Variants in RAB3C observed in about 807,000 individuals in gnomAD.
RAB3C encodes the protein ras-related protein Rab-3C.
A neutral mutation model predicts 26.4 loss-of-function variants in RAB3C; 17 were observed. That is an observed-to-expected ratio of 0.64 (90% CI 0.44 to 0.97). The LOEUF is 0.97. Ranked by LOEUF, RAB3C falls within the 50% of genes least tolerant of loss-of-function variation. The pLI is 0.00. For synonymous variants in RAB3C, 91 were observed against 95.9 expected (o/e 0.95, Z 0.30); for missense variants, 242 against 281.9 (o/e 0.86, Z 1.01).
intron 2 of RAB3C, among the ~76,000 whole-genome samples, chr5:58,686,901 TAAC>T (rs1198212463): frequency 2.0e-5 from 3 of 152,016 alleles, no homozygotes; most frequent in African/African-American, 7.2e-5. Context: ...TTTGCCTATT[TAAC>T]AACATCTCTC....
intron 1 of RAB3C, among the ~76,000 whole-genome samples, chr5:58,601,169 T>C (rs1746444886): frequency 6.6e-6 from 1 of 152,180 alleles, no homozygotes; most frequent in Non-Finnish European, 1.5e-5. Context: ...TATGTTAAAC[T>C]GTCCCTGCAT....
At chr5:58,630,708 G>C (rs1485842796) in intron 2 of RAB3C, among the ~76,000 whole-genome samples, 1 of 152,196 alleles carries the variant, frequency 6.6e-6, no homozygotes, top group Non-Finnish European at 1.5e-5. Flanking sequence ...ATTCTTGTGA[G>C]AGTAGTTTTC....
chr5:58,671,091 G>A (rs1455466368), intron 2 of RAB3C, among the ~76,000 whole-genome samples: 1 of 152,110 alleles, frequency 6.6e-6, no homozygotes, highest in Non-Finnish European at 1.5e-5. Flanking sequence ...CCCAGGTGAT[G>A]CTCTTCCTGA....
intron 1 of RAB3C, among the ~76,000 whole-genome samples, chr5:58,605,097 G>A (rs980381134): frequency 6.6e-6 from 1 of 152,294 alleles, no homozygotes; most frequent in Middle Eastern, 3.4e-3. Context: ...CTTCTCCAGT[G>A]GGGTGTGTTT....
rs1744154186 is a variant in RAB3C, at chr5:58,853,246, G to A, written c.*1895G>A. On this transcript the variant is annotated 3_prime_UTR_variant, in exon 5 of 5. Coordinates refer to ENST00000282878, the MANE Select transcript of RAB3C (RefSeq NM_138453.4). ...AAGCAGGAGGCATAAAAACAGATTT[G>A]TTTGTAGCAGTAGTCTGTTTGTACA... is the stretch of plus-strand genomic sequence containing the variant. 6.6e-6 allele frequency: 1 copy of A among 152,176 alleles called. No individual in the cohort carries two copies. Among genetic ancestry groups the A allele is most frequent in the Non-Finnish European group, 1.5e-5 (1 of 68,024 alleles). The allele number at this position is 152,176 out of a possible 1,614,324, so 9.4% of individuals were successfully genotyped here.
intron 3 of RAB3C, among the ~76,000 whole-genome samples, chr5:58,789,646 A>G (rs1294179416): frequency 6.6e-6 from 1 of 152,186 alleles, no homozygotes; most frequent in Non-Finnish European, 1.5e-5. Context: ...ACTCAGATCC[A>G]TATACCTGGG....
intron 2 of RAB3C, among the ~76,000 whole-genome samples, chr5:58,720,494 C>A (rs1298025868): frequency 1.3e-5 from 2 of 151,818 alleles, no homozygotes; most frequent in African/African-American, 4.8e-5. Flanking sequence ...ATTAAGAGAT[C>A]CCCACTTGCC....
chr5:58,830,705 G>A (rs898471887), intron 4 of RAB3C, among the ~76,000 whole-genome samples: 3 of 152,136 alleles, frequency 2.0e-5, no homozygotes, highest in Non-Finnish European at 2.9e-5. Flanking sequence ...GAAATCATAC[G>A]GTGGTGGAAG....
intron 4 of RAB3C, among the ~76,000 whole-genome samples, chr5:58,825,441 G>A (rs2112059419): frequency 6.6e-6 from 1 of 152,254 alleles, no homozygotes; most frequent in East Asian, 1.9e-4. Context: ...CACAGGTTAT[G>A]CCTTGTCCGT....
chr5:58,803,701 A>G (rs2675393), intron 3 of RAB3C, among the ~76,000 whole-genome samples: 74,389 of 151,878 alleles, frequency 0.49, 18,586 homozygotes, highest in Middle Eastern at 0.68. Context: ...GGGGATCAGG[A>G]AGATAAAGGC....
intron 4 of RAB3C, among the ~76,000 whole-genome samples, chr5:58,840,819 A>G (rs1478415360): frequency 1.3e-5 from 2 of 152,094 alleles, no homozygotes; most frequent in East Asian, 1.9e-4. Flanking sequence ...GCTGTTTCTC[A>G]GGTTGGAGGC....
intron 2 of RAB3C, among the ~76,000 whole-genome samples, chr5:58,657,539 A>G (rs936264701): frequency 2.0e-5 from 3 of 152,182 alleles, no homozygotes; most frequent in Non-Finnish European, 2.9e-5. Context: ...TAGGAGAGAA[A>G]AGACCTGGAG....
At chr5:58,587,770 A>G (rs557483356) in intron 1 of RAB3C, among the ~76,000 whole-genome samples, 2 of 152,176 alleles carry the variant, frequency 1.3e-5, no homozygotes, top group South Asian at 4.1e-4. Context: ...TGAACTTGAG[A>G]TCCCTGGGTT....
At chr5:58,737,054 G>T (rs181384254) in intron 3 of RAB3C, among the ~76,000 whole-genome samples, 4 of 151,904 alleles carry the variant, frequency 2.6e-5, no homozygotes, top group African/African-American at 9.7e-5. Flanking sequence ...ACCAGACCCC[G>T]TACAATTTGC....
chr5:58,624,247 G>A lies in RAB3C; in HGVS notation c.252+6377G>A, dbSNP rs529254003. ...ACTGCTGCTATAAATGGTCCAAAAGGCCTGAGCACAGCACACACAGGGAGG... is the reference window on the plus strand; with the variant it reads ...ACTGCTGCTATAAATGGTCCAAAAGACCTGAGCACAGCACACACAGGGAGG... On this transcript the variant is annotated intron_variant, in intron 2 of 4. Coordinates refer to ENST00000282878, the MANE Select transcript of RAB3C (RefSeq NM_138453.4). Among the ~76,000 whole-genome samples the A allele has an allele frequency of 6.6e-5, 10 of 152,114 alleles. No individual in the cohort carries two copies. The South Asian group carries it at 2.1e-3, about 32-fold the overall frequency.
intron 2 of RAB3C, among the ~76,000 whole-genome samples, chr5:58,716,812 A>AG (rs1324405599): frequency 6.6e-6 from 1 of 152,010 alleles, no homozygotes; most frequent in East Asian, 1.9e-4. Context: ...AAAAAAAAAA[A>AG]AAAAAACAAC....
intron 4 of RAB3C, among the ~76,000 whole-genome samples, chr5:58,840,894 C>T (rs563318119): frequency 1.4e-3 from 207 of 152,336 alleles, no homozygotes; most frequent in African/African-American, 4.6e-3. Context: ...GGTACTGTTA[C>T]TCTTGCCACA....
chr5:58,716,907 T>C (rs1344339651), intron 2 of RAB3C, among the ~76,000 whole-genome samples: 1 of 151,854 alleles, frequency 6.6e-6, no homozygotes, highest in East Asian at 1.9e-4. Context: ...TACAAATTTC[T>C]GCAAAACCAC....
At chr5:58,688,162 A>G (rs1748485713) in intron 2 of RAB3C, among the ~76,000 whole-genome samples, 1 of 152,116 alleles carries the variant, frequency 6.6e-6, no homozygotes, top group Non-Finnish European at 1.5e-5. Context: ...CCCATAAAGA[A>G]GGAATCTCGT....
Sources: gnomAD v4.1 joint callset for allele counts (sites outside exome capture counted in the v4.1 genomes callset) on GRCh38, gnomAD v4.1.1 for gene constraint, MANE v1.5 for transcripts, NCBI Gene and HGNC (gene_info 2026-07-23, HGNC 2026-07-21) for gene names.